Variants in ANO4 observed in about 807,000 individuals in gnomAD.
ANO4 encodes the protein anoctamin 4, also known as anoctamin-4.
ANO4 carries 69 observed loss-of-function variants against 141.9 expected under a neutral mutation model. The ratio of observed to expected loss-of-function variants is 0.49; its 90% confidence interval spans 0.40 to 0.59. ANO4 has a LOEUF of 0.59. ANO4 is among the 20% of genes least tolerant of loss of function. The pLI is 0.00. For missense variants in ANO4, 894 were observed against 1,162.2 expected (o/e 0.77, Z 3.36); for synonymous variants, 350 against 394.3 (o/e 0.89, Z 1.33).
chr12:100,948,802 C>A (rs1346061822), intron 5 of ANO4, among the ~76,000 whole-genome samples: 2 of 152,144 alleles, frequency 1.3e-5, no homozygotes, highest in Non-Finnish European at 2.9e-5. Context: ...TCAGGTGGGA[C>A]CTGTGGCTTA....
intron 3 of ANO4, among the ~76,000 whole-genome samples, chr12:100,759,237 T>C (rs184414450): frequency 6.6e-6 from 1 of 152,280 alleles, no homozygotes; most frequent in East Asian, 1.9e-4. Context: ...AGTCTCTCAA[T>C]ATGTGGGTGT....
chr12:100,827,535 TATGCCTAGAATA>T (rs1438698579), intron 1 of ANO4, among the ~76,000 whole-genome samples: 2 of 152,052 alleles, frequency 1.3e-5, no homozygotes, highest in Non-Finnish European at 2.9e-5. Context: ...TGTCTACTGC[TATGCCTAGAATA>T]ATGCCTGCAT....
Position 101,116,818 on chromosome 12 carries a change from T to G in ANO4, c.2570+20T>G. 6.2e-7 allele frequency: 1 copy of G among 1,613,936 alleles called. No individual in the cohort carries two copies. The highest frequency in any genetic ancestry group is 8.5e-7 in the Non-Finnish European group (1 of 1,179,962). ...CTGCAGGTGAGTGTGGCACCCAGCG[T>G]GGCTCTGCCTGAGCTGGGCTGGCTC... On this transcript the variant is annotated intron_variant, in intron 25 of 27. Coordinates refer to ENST00000392977, the MANE Select transcript of ANO4 (RefSeq NM_001286615.2).
At chr12:100,936,344 C>CTA (rs1229859480) in intron 3 of ANO4, among the ~76,000 whole-genome samples, 20 of 152,102 alleles carry the variant, frequency 1.3e-4, no homozygotes, top group Non-Finnish European at 2.8e-4. Context: ...TAGCGGCATC[C>CTA]CTGGCCTCTA....
At chr12:101,063,023 T>G (rs2048414609) in intron 14 of ANO4, among the ~76,000 whole-genome samples, 2 of 152,238 alleles carry the variant, frequency 1.3e-5, no homozygotes, top group African/African-American at 4.8e-5. Flanking sequence ...CACAGGCACC[T>G]GAGGGAATCT....
chr12:101,083,753 C>T lies in ANO4; in HGVS notation c.1471C>T (p.Pro491Ser), dbSNP rs754613555. 1 of 1,605,562 alleles carries T rather than the reference C, an allele frequency of 6.2e-7. No individual in the cohort carries two copies. The highest frequency in any genetic ancestry group is 8.5e-7 in the Non-Finnish European group (1 of 1,177,950). ...RMNPISGKPE[P>S]YQAFTDKCSR... The stretch of plus-strand genomic sequence containing the variant: ...GAATCCAATTTCTGGAAAGCCAGAA[C>T]CTTATCAAGCATTTACAGATAAATG... The change falls in exon 16 of 28, where the codon CCT becomes TCT. Residue 491 changes from proline to serine, a missense_variant. Around this residue, in one of 2 missense-constraint regions of ANO4, gnomAD observed 637 missense variants for 909.2 expected, o/e 0.70. Transcript: ENST00000392977.
intron 14 of ANO4, among the ~76,000 whole-genome samples, chr12:101,057,977 A>G (rs2048192910): frequency 6.6e-6 from 1 of 152,186 alleles, no homozygotes; most frequent in African/African-American, 2.4e-5. Flanking sequence ...GTTTTCCTCT[A>G]GGATTTTTAT....
At position 100,924,408 on chromosome 12, in the gene ANO4, A is replaced by G. The variant is rs1215107949; in HGVS notation, c.160+2078A>G. Among the ~76,000 whole-genome samples, 10 of 152,270 alleles carry G rather than the reference A, an allele frequency of 6.6e-5. No individual in the cohort carries two copies. The East Asian group carries it at 1.9e-3, about 29-fold the overall frequency. On this transcript the variant is annotated intron_variant, in intron 3 of 27. Transcript: ENST00000392977. ...TGATAATAATGGAGACCAGACTGCA[A>G]TGATGGCTGTTTGTTCCTTCATTTA...
intron 1 of ANO4, among the ~76,000 whole-genome samples, chr12:100,731,621 C>A (rs757739916): frequency 3.3e-5 from 5 of 152,178 alleles, no homozygotes; most frequent in Non-Finnish European, 5.9e-5. Flanking sequence ...TTTCATTGCC[C>A]TAATAATCCT....
intron 5 of ANO4, among the ~76,000 whole-genome samples, chr12:100,953,284 C>T (rs1171634785): frequency 2.0e-5 from 3 of 152,150 alleles, no homozygotes; most frequent in African/African-American, 7.2e-5. Flanking sequence ...TCATTAATGG[C>T]ATGGAGAGAT....
intron 9 of ANO4, among the ~76,000 whole-genome samples, chr12:101,029,146 C>A (rs995446329): frequency 1.3e-5 from 2 of 152,168 alleles, no homozygotes; most frequent in African/African-American, 2.4e-5. Flanking sequence ...GATTTTGTTA[C>A]CCCCACGCTG....
chr12:100,881,005 CTA>C (rs1408458910), intron 1 of ANO4, among the ~76,000 whole-genome samples: 69 of 151,994 alleles, frequency 4.5e-4, no homozygotes, highest in Middle Eastern at 6.8e-3. Context: ...CAATTCCCAC[CTA>C]TGAGTGAGAA....
intron 3 of ANO4, among the ~76,000 whole-genome samples, chr12:100,748,816 T>C (rs2032231375): frequency 1.3e-5 from 2 of 152,198 alleles, no homozygotes; most frequent in African/African-American, 4.8e-5. Context: ...AAATGGGATG[T>C]CATCTTCCTA....
At chr12:101,011,883 A>C (rs1196533160) in intron 8 of ANO4, among the ~76,000 whole-genome samples, 4 of 152,172 alleles carry the variant, frequency 2.6e-5, no homozygotes, top group African/African-American at 4.8e-5. Context: ...GCTTCTTGAC[A>C]AAGTTACCCC....
At chr12:100,875,656 G>C (rs771044103) in intron 1 of ANO4, among the ~76,000 whole-genome samples, 1 of 152,218 alleles carries the variant, frequency 6.6e-6, no homozygotes, top group African/African-American at 2.4e-5. Flanking sequence ...AGTGGAGACA[G>C]TAGACGTGGT....
intron 9 of ANO4, among the ~76,000 whole-genome samples, chr12:101,033,587 T>C (rs1593075332): frequency 6.6e-6 from 1 of 152,124 alleles, no homozygotes; most frequent in East Asian, 1.9e-4. Context: ...ATGGGCAAAG[T>C]CTTCATGACA....
chr12:101,030,350 A>G (rs2046926585), intron 9 of ANO4, among the ~76,000 whole-genome samples: 2 of 152,228 alleles, frequency 1.3e-5, no homozygotes, highest in South Asian at 4.1e-4. Flanking sequence ...ATTACATGGA[A>G]ATTGAACAAC....
chr12:100,886,219 ACCCCCAGACCCG>A (rs1673528368), intron 1 of ANO4, among the ~76,000 whole-genome samples: 1 of 123,344 alleles, frequency 8.1e-6, no homozygotes, highest in Admixed American at 8.7e-5. Context: ...TGCAACCCCC[ACCCCCAGACCCG>A]CCCCTCCCTT....
At chr12:100,756,851 C>G (rs56315112) in intron 3 of ANO4, among the ~76,000 whole-genome samples, 35,563 of 152,056 alleles carry the variant, frequency 0.23, 4,480 homozygotes, top group African/African-American at 0.26. Context: ...TTCTTGCTCT[C>G]TCTGCTTTTC....
Sources: gnomAD v4.1 joint callset for allele counts (sites outside exome capture counted in the v4.1 genomes callset) on GRCh38, gnomAD v4.1.1 for gene constraint, gnomAD v4.1.1 regional missense constraint, MANE v1.5 for transcripts, NCBI Gene and HGNC (gene_info 2026-07-23, HGNC 2026-07-21) for gene names.